Variants in MUC4 observed in about 807,000 individuals in gnomAD.
MUC4 encodes mucin 4, cell surface associated, also known as mucin-4.
A neutral mutation model predicts 257.9 loss-of-function variants in MUC4; 202 were observed. That is an observed-to-expected ratio of 0.78 (90% CI 0.70 to 0.88). MUC4 has a LOEUF of 0.88. MUC4 is among the 40% of genes least tolerant of loss of function. The pLI is 0.00. For synonymous variants in MUC4, 2,351 were observed against 2,757.1 expected (o/e 0.85, Z 4.62); for missense variants, 5,976 against 6,513.7 (o/e 0.92, Z 2.84).
chr3:195,766,736 G>A lies in MUC4; in HGVS notation c.13545C>T (p.Phe4515=), dbSNP rs754887474. Residue 4515 remains phenylalanine (F), a synonymous_variant, in exon 8 of 25, where the codon TTC becomes TTT. Transcript: ENST00000463781. ...LMGFSSGDGY[F]ENSPLMSQPV... is the part of the protein sequence containing the mutation. Reference sequence around the variant, plus strand: ...GCTGGGACATCAGTGGGCTGTTTTCGAAATAGCCATCTCCACTGCAGGAAA... The same window carrying A: ...GCTGGGACATCAGTGGGCTGTTTTCAAAATAGCCATCTCCACTGCAGGAAA... 21 of 1,613,968 alleles carry A rather than the reference G, an allele frequency of 1.3e-5. No individual in the cohort carries two copies. In the African/African-American group the frequency reaches 1.5e-4, roughly 11 times the overall value.
At position 195,786,555 on chromosome 3, in the gene MUC4, G is replaced by GGTGACAGGAAGAGGGGTGGCATGACCA. The variant is rs1732062156; in HGVS notation, c.5024_5025insTGGTCATGCCACCCCTCTTCCTGTCAC (p.His1677_Gly1685dup). 3 of 852,664 alleles carry GGTGACAGGAAGAGGGGTGGCATGACCA rather than the reference G, an allele frequency of 3.5e-6. 1 individual carries two copies. The African/African-American group carries it at 1.2e-4, about 33-fold the overall frequency. The allele number at this position is 852,664 out of a possible 1,614,324, so 52.8% of individuals were successfully genotyped here. On this transcript the variant is annotated inframe_insertion, in exon 2 of 25. Coordinates refer to ENST00000463781, the MANE Select transcript of MUC4 (RefSeq NM_018406.7). ...TGACAGGAAGAGGGGTGGCGTGACC[G>GGTGACAGGAAGAGGGGTGGCATGACCA]GTGGATGCTGAGGAAGTGCTGGTGA...
At position 195,785,038 on chromosome 3, in the gene MUC4, TCGGTGACAGG is replaced by T. The variant is rs1730802232; in HGVS notation, c.6532_6541del (p.Pro2178ThrfsTer823). The T allele has an allele frequency of 6.6e-7, 1 of 1,509,456 alleles. No homozygotes were observed. Among genetic ancestry groups the T allele is most frequent in the Admixed American group, 2.1e-5 (1 of 47,664 alleles). The allele number at this position is 1,509,456 out of a possible 1,614,324, so 93.5% of individuals were successfully genotyped here. ...GTGACCTGTGGATGCTGAGGAAGTG[TCGGTGACAGG>T]AAGAGAGGTGGCGTGACCTGTGGAT... On this transcript the variant is annotated frameshift_variant, in exon 2 of 25. Coordinates refer to ENST00000463781, the MANE Select transcript of MUC4 (RefSeq NM_018406.7). LOFTEE classifies it high-confidence loss of function.
At position 195,784,513 on chromosome 3, in the gene MUC4, G is replaced by C. The variant is rs1283836628; in HGVS notation, c.7067C>G (p.Thr2356Ser). The change falls in exon 2 of 25, where the codon ACC becomes AGC. Residue 2356 changes from threonine to serine, a missense_variant. By Grantham distance (58) the Thr-to-Ser change is moderately conservative (BLOSUM62 1). This residue lies in a region of MUC4 where 35 missense variants were observed against 64.3 expected (regional missense o/e 0.54). Coordinates refer to ENST00000463781, the MANE Select transcript of MUC4 (RefSeq NM_018406.7). Reference sequence around the variant, plus strand: ...ACCTGTGGATACTGAGGAAGCGTCGGTGACATGAAGAGGGGTGGCGTGACC... The same window carrying C: ...ACCTGTGGATACTGAGGAAGCGTCGCTGACATGAAGAGGGGTGGCGTGACC... ...STGHATPLHVTDASSVSTGDT... is the reference protein window; with the variant it reads ...STGHATPLHVSDASSVSTGDT... 6.5e-7 allele frequency: 1 copy of C among 1,540,246 alleles called. No homozygotes were observed. The highest frequency in any genetic ancestry group is 2.4e-5 in the East Asian group (1 of 40,892).
chr3:195,763,389 C>A (rs1284635809), intron 12 of MUC4, 44 bp downstream of exon 12: 18 of 1,395,428 alleles, frequency 1.3e-5, no homozygotes, highest in Non-Finnish European at 1.7e-5. Flanking sequence ...GCTGAAGGTC[C>A]CTGTGGGTGG....
In MUC4 at chr3:195,778,813, G is replaced by T; in HGVS notation, c.12767C>A (p.Ser4256Tyr). ...ACCTGGTGTTTCCATCTTCAGAGGG[G>T]AGTCCGAGGATACTGTGGAAGCTGA... is the stretch of plus-strand genomic sequence containing the variant. Reference protein sequence around the residue: ...ATSASTVSSDSPLKMETPGMT... With the variant: ...ATSASTVSSDYPLKMETPGMT... Residue 4256 changes from serine to tyrosine, a missense_variant, in exon 2 of 25, where the codon TCC becomes TAC. This residue lies in a region of MUC4 where 233 missense variants were observed against 171.2 expected (regional missense o/e 1.36). Coordinates refer to ENST00000463781, the MANE Select transcript of MUC4 (RefSeq NM_018406.7). The T allele has an allele frequency of 6.2e-7, 1 of 1,611,964 alleles. No homozygotes were observed. Among genetic ancestry groups the T allele is most frequent in the Non-Finnish European group, 8.5e-7 (1 of 1,179,322 alleles).
At chr3:195,753,504 G>C (rs1345124834) in intron 19 of MUC4, 6 of 506,106 alleles carry the variant, frequency 1.2e-5, no homozygotes, top group Non-Finnish European at 1.7e-5. Context: ...TGGCAGAGGA[G>C]GGGCCCCCAG....
intron 1 of MUC4, among the ~76,000 whole-genome samples, chr3:195,805,628 C>G: frequency 6.6e-6 from 1 of 152,132 alleles, no homozygotes; most frequent in East Asian, 1.9e-4. Context: ...TCCTGAGTAG[C>G]TGGGATTACA....
chr3:195,808,918 T>A (rs1736338385), intron 1 of MUC4, among the ~76,000 whole-genome samples: 1 of 152,146 alleles, frequency 6.6e-6, no homozygotes, highest in Non-Finnish European at 1.5e-5. Context: ...GAGGGGCCCA[T>A]AAAGACCCTT....
chr3:195,779,499 T>A lies in MUC4; in HGVS notation c.12081A>T (p.Thr4027=), dbSNP rs1232828352. 3 of 1,090,028 alleles carry A rather than the reference T, an allele frequency of 2.8e-6. 1 individual carries two copies. The highest frequency in any genetic ancestry group is 3.0e-5 in the South Asian group (2 of 66,838). The allele number at this position is 1,090,028 out of a possible 1,614,324, so 67.5% of individuals were successfully genotyped here. The change falls in exon 2 of 25, where the codon ACA becomes ACT. Residue 4027 remains threonine, a synonymous_variant. Transcript: ENST00000463781. ...TGACAGGAACAGGGGTGGCGTGACC[T>A]GTGGATGCTGAGGAAGGGCTGGTGA... ...LPVTSPSSAS[T]GHATPVPVTS...
intron 1 of MUC4, among the ~76,000 whole-genome samples, chr3:195,802,382 C>CACACCCCT (rs1735442218): frequency 2.0e-5 from 3 of 152,212 alleles, no homozygotes; most frequent in Non-Finnish European, 2.9e-5. Context: ...ACTCGGGTTC[C>CACACCCCT]GCACCCCTGC....
In MUC4 at chr3:195,791,001, A is replaced by G. The variant is rs762038405; in HGVS notation, c.579T>C (p.Ala193=). ...SWRTSIQDTS[A]SSQNHWTRST... ...TCCGAGTCCAGTGGTTCTGAGAAGA[A>G]GCTGATGTGTCTTGGATAGAGGTCC... Residue 193 remains alanine (A), a synonymous_variant, in exon 2 of 25, where the codon GCT becomes GCC. Coordinates refer to ENST00000463781, the MANE Select transcript of MUC4 (RefSeq NM_018406.7). The G allele has an allele frequency of 6.2e-7, 1 of 1,613,880 alleles. No homozygotes were observed. The highest frequency in any genetic ancestry group is 1.7e-5 in the Admixed American group (1 of 60,020).
In MUC4 at chr3:195,769,145, G is replaced by A. The variant is rs996168581; in HGVS notation, c.13406C>T (p.Thr4469Ile). Residue 4469 changes from threonine to isoleucine, a missense_variant, in exon 7 of 25, where the codon ACC becomes ATC. By Grantham distance (89) the Thr-to-Ile change is moderately conservative. Coordinates refer to ENST00000463781, the MANE Select transcript of MUC4 (RefSeq NM_018406.7). ...GTCCGTGGAGAGGATGGCTTGGTAG[G>A]TGTTGCTCTGGGGGTGGGTGGAAGA... ...YPAQWTLGSN[T>I]YQAILSTDGS... 6.2e-7 allele frequency: 1 copy of A among 1,614,084 alleles called. No homozygotes were observed. Among genetic ancestry groups the A allele is most frequent in the South Asian group, 1.1e-5 (1 of 91,068 alleles).
Position 195,782,047 on chromosome 3 carries a change from G to A in MUC4, c.9533C>T (p.Ser3178Phe). The A allele has an allele frequency of 6.7e-7, 1 of 1,503,080 alleles. No individual in the cohort carries two copies. The allele number at this position is 1,503,080 out of a possible 1,614,324, so 93.1% of individuals were successfully genotyped here. The change falls in exon 2 of 25, where the codon TCC (serine) becomes TTC (phenylalanine). Residue 3178 changes from serine (S) to phenylalanine (F), a missense_variant. This residue lies in a region of MUC4 where 28 missense variants were observed against 79.1 expected (regional missense o/e 0.35). Coordinates refer to ENST00000463781, the MANE Select transcript of MUC4 (RefSeq NM_018406.7). ...PLPVTSLSSV[S>F]TGDTTPLPVT... ...AGGAAGAGGCGTGGTGTCACCTGTG[G>A]ATACTGAGGAAAGGCTGGTGACAGG...
chr3:195,774,901 CAAAA>C (rs10666795), intron 3 of MUC4, among the ~76,000 whole-genome samples: 1 of 118,558 alleles, frequency 8.4e-6, no homozygotes, highest in Non-Finnish European at 1.7e-5. Context: ...AACTCCATCT[CAAAA>C]AAAAAAAAAA....
At chr3:195,769,372 T>G in intron 6 of MUC4, 1 of 555,040 alleles carries the variant, frequency 1.8e-6, no homozygotes, top group Non-Finnish European at 3.1e-6. Flanking sequence ...TGGATTTGCC[T>G]TTTGGTGACT....
At position 195,786,444 on chromosome 3, in the gene MUC4, A is replaced by C. The variant is rs752966340; in HGVS notation, c.5136T>G (p.Pro1712=). ...VSSASTGQAT[P]LPVTSLSSVS... ...CTGAGGAAAGGCTGGTGACAGGAAG[A>C]GGGGTGGCCTGACCTGTGGATGCCG... The change falls in exon 2 of 25, where the codon CCT becomes CCG. Residue 1712 remains proline (P), a synonymous_variant. Coordinates refer to ENST00000463781, the MANE Select transcript of MUC4 (RefSeq NM_018406.7). 3.8e-5 allele frequency: 58 copies of C among 1,528,976 alleles called. No individual in the cohort carries two copies. In the South Asian group the frequency reaches 6.7e-4, roughly 18 times the overall value. The allele number at this position is 1,528,976 out of a possible 1,614,324, so 94.7% of individuals were successfully genotyped here. A position where few individuals can be genotyped will look rare whatever the true frequency, so the allele number is the denominator to read the frequency against.
chr3:195,762,658 G>A (rs528972367), intron 13 of MUC4, among the ~76,000 whole-genome samples, 197 bp downstream of exon 13: 22 of 133,584 alleles, frequency 1.6e-4, no homozygotes, highest in African/African-American at 6.0e-4. Context: ...GCACCGCCAC[G>A]CACCGGGCCC....
At position 195,788,882 on chromosome 3, in the gene MUC4, C is replaced by T; in HGVS notation, c.2698G>A (p.Glu900Lys). ...GCCATCCGGGAAATGGCGGCTGTCTCCTGAGGAGAGGCACTGGGAGAAGTT... is the reference window on the plus strand; with the variant it reads ...GCCATCCGGGAAATGGCGGCTGTCTTCTGAGGAGAGGCACTGGGAGAAGTT... ...SPTSPSASPQ[E>K]TAAISRMAQT... is the part of the protein sequence containing the mutation. Residue 900 changes from glutamate to lysine, a missense_variant, in exon 2 of 25, where the codon GAG becomes AAG. By Grantham distance (56) the Glu-to-Lys change is moderately conservative (BLOSUM62 1). Transcript: ENST00000463781. 5 of 1,613,778 alleles carry T rather than the reference C, an allele frequency of 3.1e-6. No homozygotes were observed. The highest frequency in any genetic ancestry group is 4.2e-6 in the Non-Finnish European group (5 of 1,179,814).
intron 1 of MUC4, among the ~76,000 whole-genome samples, chr3:195,794,708 A>T (rs1038174693): frequency 1.3e-5 from 2 of 152,182 alleles, no homozygotes; most frequent in African/African-American, 4.8e-5. Context: ...GATGATACTC[A>T]GAGAGACAAA....
Sources: gnomAD v4.1 joint callset for allele counts (sites outside exome capture counted in the v4.1 genomes callset) on GRCh38, gnomAD v4.1.1 for gene constraint, gnomAD v4.1.1 regional missense constraint, MANE v1.5 for transcripts, NCBI Gene and HGNC (gene_info 2026-07-23, HGNC 2026-07-21) for gene names.